Variants in NIM1K observed in about 807,000 individuals in gnomAD.
NIM1K encodes serine/threonine-protein kinase NIM1.
NIM1K carries 35 observed loss-of-function variants against 37.1 expected under a neutral mutation model. That is an observed-to-expected ratio of 0.94 (90% confidence interval 0.72 to 1.25). The LOEUF (loss-of-function observed/expected upper bound fraction) is 1.25. Among genes scored for constraint, NIM1K ranks in the 50% most tolerant of loss-of-function variants. NIM1K has a pLI of 0.00. For synonymous variants in NIM1K, 234 were observed against 206.6 expected (o/e 1.13, Z -1.14); for missense variants, 564 against 548.0 (o/e 1.03, Z -0.29).
chr5:43,213,685 T>C (rs1367081358), intron 1 of NIM1K, among the ~76,000 whole-genome samples: 3 of 152,108 alleles, frequency 2.0e-5, no homozygotes, highest in Non-Finnish European at 2.9e-5. Context: ...TAGTAGAGCT[T>C]GGGTTTTGCC....
intron 2 of NIM1K, among the ~76,000 whole-genome samples, chr5:43,273,185 C>T (rs1045566938): frequency 6.6e-6 from 1 of 151,870 alleles, no homozygotes; most frequent in East Asian, 1.9e-4. Context: ...GCACTTCTCA[C>T]ATCTTGCCAG....
intron 2 of NIM1K, among the ~76,000 whole-genome samples, chr5:43,269,029 C>T (rs188410443): frequency 7.3e-4 from 111 of 152,062 alleles, no homozygotes; most frequent in African/African-American, 2.3e-3. Context: ...CACTCCTACC[C>T]GGGCACGGTG....
chr5:43,237,715 A>G (rs1752641825), intron 1 of NIM1K, among the ~76,000 whole-genome samples: 1 of 152,228 alleles, frequency 6.6e-6, no homozygotes, highest in African/African-American at 2.4e-5. Flanking sequence ...TATGCAAAAT[A>G]AAAATGAATA....
intron 2 of NIM1K, among the ~76,000 whole-genome samples, chr5:43,269,208 G>T (rs1251514872): frequency 7.3e-5 from 11 of 150,342 alleles, no homozygotes; most frequent in African/African-American, 2.7e-4. Context: ...TACTCAGGAG[G>T]CTGAGGCAGG....
chr5:43,275,033 C>T (rs1753317141), intron 2 of NIM1K, among the ~76,000 whole-genome samples: 1 of 152,126 alleles, frequency 6.6e-6, no homozygotes, highest in Admixed American at 6.5e-5. Flanking sequence ...CATTTTCTAA[C>T]ATTAATCATT....
At chr5:43,228,096 G>A (rs1305379323) in intron 1 of NIM1K, among the ~76,000 whole-genome samples, 1 of 151,898 alleles carries the variant, frequency 6.6e-6, no homozygotes, top group Non-Finnish European at 1.5e-5. Context: ...TCAAAACTGT[G>A]TCATTTACTG....
chr5:43,280,613 G>T lies in NIM1K; in HGVS notation c.1195G>T (p.Ala399Ser), dbSNP rs995031904. ...TTTACATAGAGTCCAAAGGAAGAAG[G>T]CTTTGGAAAGTGTCCCAGTCATGAT... ...IILHRVQRKKALESVPVMMLP... is the reference protein window; with the variant it reads ...IILHRVQRKKSLESVPVMMLP... Residue 399 changes from alanine to serine, a missense_variant, in exon 4 of 4, where the codon GCT becomes TCT. Coordinates refer to ENST00000326035, the MANE Select transcript of NIM1K (RefSeq NM_153361.4). 6.2e-7 allele frequency: 1 copy of T among 1,614,080 alleles called. No individual in the cohort carries two copies. Among genetic ancestry groups the T allele is most frequent in the East Asian group, 2.2e-5 (1 of 44,864 alleles).
At chr5:43,195,521 G>A (rs771738495) in intron 1 of NIM1K, among the ~76,000 whole-genome samples, 3 of 152,036 alleles carry the variant, frequency 2.0e-5, no homozygotes, top group Non-Finnish European at 2.9e-5. Context: ...TTAGCTGGGT[G>A]TGGTGGTGCA....
intron 1 of NIM1K, chr5:43,232,821 G>T (rs1207670215): frequency 9.7e-7 from 1 of 1,035,664 alleles, no homozygotes; most frequent in Non-Finnish European, 1.5e-6. Context: ...GGTCCAAAAC[G>T]AGGTCAGTGA....
chr5:43,249,044 T>TTTTATTTATTTATTTA (rs58657107), intron 2 of NIM1K, among the ~76,000 whole-genome samples: 4 of 139,114 alleles, frequency 2.9e-5, no homozygotes, highest in African/African-American at 8.2e-5. Flanking sequence ...GCTAGTTTAT[T>TTTTATTTATTTATTTA]TTTATTTATT....
At position 43,277,226 on chromosome 5, in the gene NIM1K, G is replaced by C. The variant is rs1285361449; in HGVS notation, c.462G>C (p.Gly154=). ...TGCACTTGGTGATGGAGTATGCAGG[G>C]GGTGGGGAGCTCTTCGGAAAAATTA... ...SKLHLVMEYA[G]GGELFGKIST... Residue 154 remains glycine, a synonymous_variant, in exon 3 of 4, where the codon GGG becomes GGC. Transcript: ENST00000326035. 6.2e-7 allele frequency: 1 copy of C among 1,614,076 alleles called. No individual in the cohort carries two copies. Among genetic ancestry groups the C allele is most frequent in the Non-Finnish European group, 8.5e-7 (1 of 1,180,008 alleles).
At chr5:43,223,347 AATTCTTGTAAGG>A (rs1215921758) in intron 1 of NIM1K, among the ~76,000 whole-genome samples, 1 of 152,144 alleles carries the variant, frequency 6.6e-6, no homozygotes, top group East Asian at 1.9e-4. Flanking sequence ...TACCTTCTAA[AATTCTTGTAAGG>A]ATTAAATAGT....
chr5:43,250,141 C>T lies in NIM1K; in HGVS notation c.292+4074C>T, dbSNP rs558152478. 5.0e-4 allele frequency among the ~76,000 whole-genome samples: 76 copies of T among 152,046 alleles called. 1 individual carries two copies. The highest frequency in any genetic ancestry group is 1.3e-3 in the East Asian group (7 of 5,192). ...TGCTGGGATTACAGGCATGAGCCAC[C>T]GCGCCTGGCCGGATTAGTTTTAAAT... On this transcript the variant is annotated intron_variant, in intron 2 of 3. Transcript: ENST00000326035.
intron 1 of NIM1K, chr5:43,207,746 G>A (rs373305481): frequency 9.8e-5 from 46 of 468,928 alleles, no homozygotes; most frequent in Middle Eastern, 8.0e-4. Flanking sequence ...AAAGGAGATC[G>A]TCTGTGTCCC....
chr5:43,204,704 CAA>C (rs59833557), intron 1 of NIM1K, among the ~76,000 whole-genome samples: 11 of 125,920 alleles, frequency 8.7e-5, no homozygotes, highest in East Asian at 2.6e-4. Context: ...GGCTCTGTCT[CAA>C]AAAAAAAAAA....
At chr5:43,276,629 ATCT>A (rs1257788173) in intron 2 of NIM1K, among the ~76,000 whole-genome samples, 5 of 152,242 alleles carry the variant, frequency 3.3e-5, no homozygotes, top group African/African-American at 7.2e-5. Flanking sequence ...GGTAGAGAAA[ATCT>A]TCTAGGCATG....
intron 3 of NIM1K, among the ~76,000 whole-genome samples, chr5:43,277,695 T>C (rs1275066251): frequency 6.6e-6 from 1 of 151,852 alleles, no homozygotes; most frequent in Non-Finnish European, 1.5e-5. Context: ...GATGCCCTCA[T>C]ATGACATCTC....
intron 1 of NIM1K, among the ~76,000 whole-genome samples, chr5:43,209,276 C>T (rs543061567): frequency 7.9e-5 from 12 of 152,196 alleles, no homozygotes; most frequent in South Asian, 6.2e-4. Flanking sequence ...AATGTCTACC[C>T]GCATTTGAGG....
At chr5:43,208,533 T>C (rs1016169974) in intron 1 of NIM1K, among the ~76,000 whole-genome samples, 2 of 150,264 alleles carry the variant, frequency 1.3e-5, no homozygotes, top group Non-Finnish European at 3.0e-5. Flanking sequence ...AACCAGGAAG[T>C]GGAGGTTGCA....
Sources: allele counts gnomAD v4.1 joint callset (sites outside exome capture counted in the v4.1 genomes callset), GRCh38; gene constraint gnomAD v4.1.1; transcripts MANE v1.5; gene names NCBI Gene and HGNC (gene_info 2026-07-23, HGNC 2026-07-21).